CCBE1: variants seen among roughly 807,000 people sequenced by gnomAD.
CCBE1 encodes collagen and calcium-binding EGF domain-containing protein 1.
In CCBE1, 37 loss-of-function variants were observed where a neutral mutation model predicts 50.0. That is an observed-to-expected ratio of 0.74 (90% CI 0.57 to 0.97). The LOEUF (loss-of-function observed/expected upper bound fraction) is 0.97, where lower values mean the gene tolerates loss of function less well. Ranked by LOEUF, CCBE1 falls within the 50% of genes least tolerant of loss-of-function variation. The pLI, the probability that CCBE1 is intolerant of heterozygous loss-of-function variation, is 0.00. For synonymous variants in CCBE1, 234 were observed against 203.7 expected (o/e 1.15, Z -1.27); for missense variants, 538 against 523.8 (o/e 1.03, Z -0.26).
At chr18:59,655,922 T>A (rs985950589) in intron 2 of CCBE1, among the ~76,000 whole-genome samples, 1 of 152,182 alleles carries the variant, frequency 6.6e-6, no homozygotes, top group Non-Finnish European at 1.5e-5. Context: ...CATTCCCTTT[T>A]CATGAGCCTG....
At chr18:59,605,915 G>A (rs564770236) in intron 2 of CCBE1, among the ~76,000 whole-genome samples, 4 of 152,242 alleles carry the variant, frequency 2.6e-5, no homozygotes, top group Admixed American at 2.6e-4. Flanking sequence ...CTCCACTGGG[G>A]GAAATGCCTG....
intron 2 of CCBE1, among the ~76,000 whole-genome samples, chr18:59,601,766 A>C (rs1397265500): frequency 6.6e-6 from 1 of 152,214 alleles, no homozygotes; most frequent in Non-Finnish European, 1.5e-5. Context: ...TATGTCCAGC[A>C]CAGGACATTA....
At chr18:59,684,280 C>G (rs2054629571) in intron 2 of CCBE1, among the ~76,000 whole-genome samples, 1 of 152,194 alleles carries the variant, frequency 6.6e-6, no homozygotes, top group African/African-American at 2.4e-5. Context: ...GAAACCCTGT[C>G]TCTACAAAAA....
intron 2 of CCBE1, among the ~76,000 whole-genome samples, chr18:59,499,740 T>G (rs1249665853): frequency 1.3e-5 from 2 of 152,206 alleles, no homozygotes; most frequent in Admixed American, 1.3e-4. Flanking sequence ...ACCATATCGC[T>G]AGGTAAGCAC....
intron 2 of CCBE1, among the ~76,000 whole-genome samples, chr18:59,579,015 A>G (rs960271926): frequency 6.6e-6 from 1 of 152,234 alleles, no homozygotes; most frequent in Non-Finnish European, 1.5e-5. Context: ...CAGTACAAAC[A>G]TAGATGCTTG....
At chr18:59,457,997 G>C (rs112536182) in intron 5 of CCBE1, among the ~76,000 whole-genome samples, 27 of 152,282 alleles carry the variant, frequency 1.8e-4, no homozygotes, top group African/African-American at 6.0e-4. Context: ...CAGGCTCCAG[G>C]TTTATTATGT....
chr18:59,455,796 C>T (rs954730065), intron 5 of CCBE1, among the ~76,000 whole-genome samples: 1 of 152,192 alleles, frequency 6.6e-6, no homozygotes, highest in African/African-American at 2.4e-5. Flanking sequence ...GCTGAAAGTG[C>T]TAGGTTGAGG....
chr18:59,460,549 T>G (rs1911411749), intron 5 of CCBE1, among the ~76,000 whole-genome samples: 1 of 152,220 alleles, frequency 6.6e-6, no homozygotes, highest in Non-Finnish European at 1.5e-5. Flanking sequence ...TGTTTGGATG[T>G]GTAATAATTC....
intron 2 of CCBE1, among the ~76,000 whole-genome samples, chr18:59,487,774 A>C (rs976742885): frequency 3.9e-5 from 6 of 152,246 alleles, no homozygotes; most frequent in African/African-American, 1.2e-4. Context: ...CAAATGAGAA[A>C]AACAATATAG....
chr18:59,696,701 C>T lies in CCBE1; in HGVS notation c.140G>A (p.Cys47Tyr), dbSNP rs774528504. 1 of 1,613,948 alleles carries T rather than the reference C, an allele frequency of 6.2e-7. No homozygotes were observed. The change falls in exon 2 of 11, where the codon TGC (cysteine) becomes TAC (tyrosine). Residue 47 changes from cysteine to tyrosine, a missense_variant. Physicochemically the swap from Cys to Tyr is radical, Grantham distance 194. Coordinates refer to ENST00000439986, the MANE Select transcript of CCBE1 (RefSeq NM_133459.4). Reference sequence around the variant, plus strand: ...AGTCGTCGCGATTTTGCTCTCTGAGCAGATTTCTCTATGAAAAAGTGCAGA... The same window carrying T: ...AGTCGTCGCGATTTTGCTCTCTGAGTAGATTTCTCTATGAAAAAGTGCAGA... ...EEPEDGDREI[C>Y]SESKIATTKY...
At chr18:59,458,150 A>G (rs796982476) in intron 5 of CCBE1, among the ~76,000 whole-genome samples, 1 of 148,574 alleles carries the variant, frequency 6.7e-6, no homozygotes, top group Admixed American at 6.8e-5. Context: ...CCATCCATCT[A>G]TCCATCCATC....
In CCBE1 at chr18:59,656,839, G is replaced by A. The variant is rs538932059; in HGVS notation, c.212+39790C>T. The stretch of plus-strand genomic sequence containing the variant: ...GGTTACAGAGTGTAGACAGGGTCAA[G>A]AACATCTATCTTGGGATGCTTCAGC... On this transcript the variant is annotated intron_variant, in intron 2 of 10. Coordinates refer to ENST00000439986, the MANE Select transcript of CCBE1 (RefSeq NM_133459.4). 2.8e-3 allele frequency among the ~76,000 whole-genome samples: 431 copies of A among 152,248 alleles called. 2 individuals carry two copies. Among genetic ancestry groups the A allele is most frequent in the African/African-American group, 9.9e-3 (413 of 41,536 alleles).
chr18:59,613,190 T>TG (rs984912080), intron 2 of CCBE1, among the ~76,000 whole-genome samples: 16 of 151,342 alleles, frequency 1.1e-4, no homozygotes, highest in Admixed American at 2.6e-4. Flanking sequence ...ATGGATGGGG[T>TG]GGGGGGTGGT....
intron 2 of CCBE1, among the ~76,000 whole-genome samples, chr18:59,605,263 C>A (rs11664444): frequency 6.6e-6 from 1 of 152,188 alleles, no homozygotes; most frequent in South Asian, 2.1e-4. Context: ...TAGGGAACAG[C>A]TAAAGTCTTT....
intron 2 of CCBE1, among the ~76,000 whole-genome samples, chr18:59,544,212 C>G (rs921306983): frequency 2.6e-5 from 4 of 152,200 alleles, no homozygotes. Context: ...GGTGATTTTT[C>G]TAACTCCCAG....
chr18:59,534,135 G>A (rs184411513), intron 2 of CCBE1, among the ~76,000 whole-genome samples: 19 of 152,276 alleles, frequency 1.2e-4, no homozygotes, highest in Admixed American at 1.2e-3. Context: ...GTTGGCTAAT[G>A]ATAATGTTGG....
chr18:59,656,388 G>C (rs1212721393), intron 2 of CCBE1, among the ~76,000 whole-genome samples: 1 of 152,184 alleles, frequency 6.6e-6, no homozygotes, highest in Non-Finnish European at 1.5e-5. Flanking sequence ...GAACATGAAG[G>C]GTTTTGAGTT....
intron 2 of CCBE1, among the ~76,000 whole-genome samples, chr18:59,677,925 A>G (rs1369818228): frequency 6.6e-6 from 1 of 152,202 alleles, no homozygotes; most frequent in Non-Finnish European, 1.5e-5. Context: ...AGATACAGTA[A>G]AAGAAAGGAA....
intron 2 of CCBE1, among the ~76,000 whole-genome samples, chr18:59,664,456 G>A (rs2054325244): frequency 6.6e-6 from 1 of 152,134 alleles, no homozygotes; most frequent in African/African-American, 2.4e-5. Flanking sequence ...CATAAACAGA[G>A]GAGAGACATG....
Sources: allele counts gnomAD v4.1 joint callset (sites outside exome capture counted in the v4.1 genomes callset), GRCh38; gene constraint gnomAD v4.1.1; transcripts MANE v1.5; gene names NCBI Gene and HGNC (gene_info 2026-07-23, HGNC 2026-07-21).